Variants in AMOTL1 observed in about 807,000 individuals in gnomAD.
The protein encoded by AMOTL1 is angiomotin like 1.
Under a neutral mutation model 102.9 loss-of-function variants are expected in AMOTL1, and 45 were observed. The ratio of observed to expected loss-of-function variants is 0.44; its 90% confidence interval spans 0.34 to 0.56. The LOEUF is 0.56. Ranked by LOEUF, AMOTL1 falls within the 20% of genes least tolerant of loss-of-function variation. AMOTL1 has a pLI of 0.01. For missense variants in AMOTL1, 1,114 were observed against 1,225.6 expected (o/e 0.91, Z 1.36); for synonymous variants, 481 against 484.7 (o/e 0.99, Z 0.10).
chr11:94,808,632 T>C (rs1951608434), intron 3 of AMOTL1, among the ~76,000 whole-genome samples: 1 of 152,222 alleles, frequency 6.6e-6, no homozygotes, highest in Non-Finnish European at 1.5e-5. Context: ...CATGAGTTGC[T>C]CTGATGCTCA....
At chr11:94,846,513 G>T (rs1952415141) in intron 6 of AMOTL1, among the ~76,000 whole-genome samples, 1 of 152,210 alleles carries the variant, frequency 6.6e-6, no homozygotes, top group Admixed American at 6.5e-5. Context: ...TGGAAGAGCT[G>T]GGTGTGAACC....
chr11:94,845,660 A>G (rs151061579), intron 6 of AMOTL1, among the ~76,000 whole-genome samples: 1 of 152,344 alleles, frequency 6.6e-6, no homozygotes, highest in Non-Finnish European at 1.5e-5. Context: ...AGGTAAAGTC[A>G]TGTGTCCAAG....
intron 3 of AMOTL1, among the ~76,000 whole-genome samples, chr11:94,746,681 T>C (rs1241954361): frequency 6.6e-6 from 1 of 152,188 alleles, no homozygotes; most frequent in Non-Finnish European, 1.5e-5. Flanking sequence ...GGAGCTTTTA[T>C]AAGTCCTGAG....
At chr11:94,756,189 T>C (rs1950723149) in intron 3 of AMOTL1, among the ~76,000 whole-genome samples, 1 of 152,168 alleles carries the variant, frequency 6.6e-6, no homozygotes. Flanking sequence ...GCCGCTTGTG[T>C]CTGTGCCCGC....
chr11:94,736,013 T>G (rs947063198), intron 2 of AMOTL1, among the ~76,000 whole-genome samples: 2 of 152,160 alleles, frequency 1.3e-5, no homozygotes. Context: ...ACCAGGCCCC[T>G]GTATAATCTG....
chr11:94,768,811 G>A (rs1200414685), intron 1 of AMOTL1, among the ~76,000 whole-genome samples: 2 of 152,110 alleles, frequency 1.3e-5, no homozygotes, highest in African/African-American at 2.4e-5. Flanking sequence ...TGGCCCCGGG[G>A]TTTGGGCCCC....
At chr11:94,793,857 GA>G (rs1951323213) in intron 1 of AMOTL1, among the ~76,000 whole-genome samples, 2 of 152,134 alleles carry the variant, frequency 1.3e-5, no homozygotes, top group African/African-American at 4.8e-5. Flanking sequence ...TAATTTATAA[GA>G]AAAAAATTCT....
intron 1 of AMOTL1, among the ~76,000 whole-genome samples, chr11:94,728,612 A>C (rs764862490): frequency 2.6e-4 from 39 of 152,126 alleles, no homozygotes; most frequent in Non-Finnish European, 4.9e-4. Flanking sequence ...TTGAGATCCC[A>C]CTATATCCTG....
intron 3 of AMOTL1, among the ~76,000 whole-genome samples, chr11:94,819,468 T>G (rs1951825215): frequency 6.6e-6 from 1 of 152,108 alleles, no homozygotes; most frequent in Non-Finnish European, 1.5e-5. Flanking sequence ...CAGACTAAGG[T>G]GTAAGTGACT....
intron 2 of AMOTL1, among the ~76,000 whole-genome samples, chr11:94,738,249 TA>T (rs1950463506): frequency 8.0e-6 from 1 of 124,964 alleles, no homozygotes; most frequent in African/African-American, 2.9e-5. Flanking sequence ...CCAGAGAGCA[TA>T]ATTTTGTGCT....
Position 94,834,273 on chromosome 11 carries a change from G to T in AMOTL1, c.1648+2732G>T, listed in dbSNP as rs1952128890. Among the ~76,000 whole-genome samples the T allele has an allele frequency of 1.3e-5, 2 of 152,260 alleles. 1 individual carries two copies. Among genetic ancestry groups the T allele is most frequent in the African/African-American group, 4.8e-5 (2 of 41,554 alleles). ...TTGGGATTCTAGCACTTGGTTAGAA[G>T]AAAGGCAAGACTGCAATAGAAGTTA... On this transcript the variant is annotated intron_variant, in intron 6 of 12. Coordinates refer to ENST00000433060, the MANE Select transcript of AMOTL1 (RefSeq NM_130847.3).
At chr11:94,743,438 G>T (rs1017651979) in intron 3 of AMOTL1, among the ~76,000 whole-genome samples, 1 of 152,082 alleles carries the variant, frequency 6.6e-6, no homozygotes, top group African/African-American at 2.4e-5. Flanking sequence ...GGTCAAAGAC[G>T]GAGCTGTCAT....
chr11:94,803,767 A>G (rs1328228026), intron 3 of AMOTL1, among the ~76,000 whole-genome samples: 1 of 152,248 alleles, frequency 6.6e-6, no homozygotes, highest in Non-Finnish European at 1.5e-5. Context: ...AGTTTGGAGT[A>G]TATTAGTCAA....
rs1225515674 is a variant in AMOTL1, at chr11:94,741,133, T to C, written c.136+145T>C. The C allele has an allele frequency of 3.5e-5, 22 of 621,622 alleles. No individual in the cohort carries two copies. In the East Asian group the frequency reaches 1.4e-3, roughly 40 times the overall value. 38.5% of individuals were successfully genotyped at this position (621,622 alleles called of 1,614,324 possible). A position where few individuals can be genotyped will look rare whatever the true frequency, so the allele number is the denominator to read the frequency against. On this transcript the variant is annotated intron_variant, in intron 3 of 4. Coordinates refer to the AMOTL1 transcript ENST00000299004. ...AAGGGTCAGGGGACACCTGCTGCCT[T>C]CGCGGCCGGAACCGGCCTTTCCTCG...
chr11:94,782,453 A>G (rs528744015), intron 1 of AMOTL1, among the ~76,000 whole-genome samples: 3 of 152,230 alleles, frequency 2.0e-5, no homozygotes, highest in African/African-American at 2.4e-5. Flanking sequence ...AAATGTTTCA[A>G]TGTATGGAAG....
chr11:94,805,612 A>C (rs761840311), intron 3 of AMOTL1, among the ~76,000 whole-genome samples: 1 of 152,168 alleles, frequency 6.6e-6, no homozygotes, highest in Non-Finnish European at 1.5e-5. Context: ...CAGCCTGTAC[A>C]TTGCCTTTTT....
At chr11:94,857,324 A>AG (rs1455003220) in intron 8 of AMOTL1, among the ~76,000 whole-genome samples, 1 of 152,210 alleles carries the variant, frequency 6.6e-6, no homozygotes, top group Non-Finnish European at 1.5e-5. Context: ...GGGCATTCGT[A>AG]GGTACCCTCT....
intron 4 of AMOTL1, among the ~76,000 whole-genome samples, chr11:94,829,451 C>G (rs1008125399): frequency 1.3e-5 from 2 of 151,966 alleles, no homozygotes; most frequent in African/African-American, 4.8e-5. Flanking sequence ...AAACTCCTGA[C>G]CTCAGGTGAT....
intron 3 of AMOTL1, among the ~76,000 whole-genome samples, chr11:94,817,518 C>T (rs957088021): frequency 3.9e-5 from 6 of 152,028 alleles, no homozygotes; most frequent in African/African-American, 1.4e-4. Flanking sequence ...GTATGTGTTC[C>T]AGAATTGTAT....
Sources: allele counts gnomAD v4.1 joint callset (sites outside exome capture counted in the v4.1 genomes callset), GRCh38; gene constraint gnomAD v4.1.1; transcripts MANE v1.5; gene names NCBI Gene and HGNC (gene_info 2026-07-23, HGNC 2026-07-21).